MUC3A: variants seen among roughly 807,000 people sequenced by gnomAD.
MUC3A encodes mucin-3A.
Under a neutral mutation model 109.0 loss-of-function variants are expected in MUC3A, and 109 were observed. That is an observed-to-expected ratio of 1.00 (90% confidence interval 0.86 to 1.17). MUC3A has a LOEUF of 1.17. Ranked by LOEUF, MUC3A falls within the 50% of genes most tolerant of loss-of-function variation. MUC3A has a pLI of 0.00. For missense variants in MUC3A, 3,537 were observed against 2,469.4 expected (o/e 1.43, Z -9.16); for synonymous variants, 1,398 against 981.4 (o/e 1.42, Z -7.93).
Position 100,965,162 on chromosome 7 carries a change from T to A in MUC3A, c.9383-120T>A, listed in dbSNP as rs77005990. Reference sequence around the variant, plus strand: ...GCTCTCTCCGTCTGGGAGAGGGCTCTCCCAGACGGAGAGAGCCCTCACTGC... The same window carrying A: ...GCTCTCTCCGTCTGGGAGAGGGCTCACCCAGACGGAGAGAGCCCTCACTGC... On this transcript the variant is annotated intron_variant, in intron 6 of 11. Transcript: ENST00000379458. 6.4e-6 allele frequency: 9 copies of A among 1,404,024 alleles called. No homozygotes were observed. The African/African-American group carries it at 1.3e-4, about 20-fold the overall frequency. The allele number at this position is 1,404,024 out of a possible 1,614,324, so 87.0% of individuals were successfully genotyped here.
chr7:100,952,907 C>A lies in MUC3A; in HGVS notation c.1128C>A (p.Thr376=). 6.3e-7 allele frequency: 1 copy of A among 1,583,600 alleles called. No homozygotes were observed. Among genetic ancestry groups the A allele is most frequent in the Non-Finnish European group, 8.5e-7 (1 of 1,172,358 alleles). ...SLPPTSSSLP[T]TETATTPMTN... The stretch of plus-strand genomic sequence containing the variant: ...CACCCACCTCTTCCTCTCTCCCAAC[C>A]ACAGAAACAGCCACGACTCCTATGA... The change falls in exon 2 of 12, where the codon ACC becomes ACA. Residue 376 remains threonine (T), a synonymous_variant. Coordinates refer to ENST00000379458, the MANE Select transcript of MUC3A (RefSeq NM_005960.2).
At position 100,959,513 on chromosome 7, in the gene MUC3A, A is replaced by G; in HGVS notation, c.7734A>G (p.Thr2578=). 1 of 1,589,282 alleles carries G rather than the reference A, an allele frequency of 6.3e-7. No homozygotes were observed. Among genetic ancestry groups the G allele is most frequent in the South Asian group, 1.1e-5 (1 of 88,842 alleles). ...TSIVVIPETP[T]QTPPVLTSAT... is the part of the protein sequence containing the mutation. ...TTGTTGTTATACCTGAAACCCCAAC[A>G]CAGACCCCTCCTGTACTGACGTCAG... The change falls in exon 2 of 12, where the codon ACA becomes ACG. Residue 2578 remains threonine, a synonymous_variant. Coordinates refer to ENST00000379458, the MANE Select transcript of MUC3A (RefSeq NM_005960.2).
chr7:100,957,614 CACCAAT>C lies in MUC3A; in HGVS notation c.5841_5846del (p.Asn1947_Thr1948del). 1 of 1,319,662 alleles carries C rather than the reference CACCAAT, an allele frequency of 7.6e-7. No individual in the cohort carries two copies. Among genetic ancestry groups the C allele is most frequent in the Non-Finnish European group, 9.6e-7 (1 of 1,042,314 alleles). The allele number at this position is 1,319,662 out of a possible 1,614,324, so 81.7% of individuals were successfully genotyped here. A position where few individuals can be genotyped will look rare whatever the true frequency, so the allele number is the denominator to read the frequency against. On this transcript the variant is annotated inframe_deletion, in exon 2 of 12. Coordinates refer to ENST00000379458, the MANE Select transcript of MUC3A (RefSeq NM_005960.2). ...GTACTCCCAGATTCACTTCTTCAAT[CACCAAT>C]ACCAAGACCACCTCACACAGCTCTC...
chr7:100,966,232 T>TTCTAGGGTGGATTCCCAGCCCCTTG, intron 8 of MUC3A, 154 bp from the exon 9 acceptor site: 1 of 404,028 alleles, frequency 2.5e-6, no homozygotes, highest in East Asian at 4.3e-5. Context: ...CGGCCCCTCG[T>TTCTAGGGTGGATTCCCAGCCCCTTG]TCTAGGGTGG....
At chr7:100,964,982 A>G (rs2116221850) in intron 6 of MUC3A, 139 bp downstream of exon 6, 1 of 1,349,254 alleles carries the variant, frequency 7.4e-7, no homozygotes, top group East Asian at 2.5e-5. Flanking sequence ...AAGTCCACAC[A>G]CAACGGTGTC....
At chr7:100,963,554 G>C (rs1792414669) in intron 4 of MUC3A, 134 bp from the exon 5 acceptor site, 2 of 1,376,902 alleles carry the variant, frequency 1.5e-6, no homozygotes, top group Non-Finnish European at 2.0e-6. Context: ...CAAAGTGTTG[G>C]GATTACAGGC....
At chr7:100,961,087 C>T (rs1247116511) in intron 3 of MUC3A, 150 bp downstream of exon 3, 1 of 1,514,562 alleles carries the variant, frequency 6.6e-7, no homozygotes, top group Non-Finnish European at 8.8e-7. Flanking sequence ...CTCCGCTGCC[C>T]TGTGTCATGC....
In MUC3A at chr7:100,964,823, A is replaced by T; in HGVS notation, c.9362A>T (p.Asn3121Ile). 6.3e-7 allele frequency: 1 copy of T among 1,597,996 alleles called. No homozygotes were observed. Among genetic ancestry groups the T allele is most frequent in the Non-Finnish European group, 8.5e-7 (1 of 1,179,406 alleles). Residue 3121 changes from asparagine to isoleucine, a missense_variant, in exon 6 of 12, where the codon AAC becomes ATC. Transcript: ENST00000379458. ...CTGCAGAACGCCAGCCAGGATGTGA[A>T]CAGCTGCCAGGACTCCCAGAGTGAG... The part of the protein sequence containing the change: ...EGLQNASQDV[N>I]SCQDSQTLCF...
intron 11 of MUC3A, 70 bp from the exon 12 acceptor site, chr7:100,967,051 T>G (rs1258235485): frequency 1.9e-6 from 3 of 1,598,370 alleles, no homozygotes; most frequent in African/African-American, 1.3e-5. Flanking sequence ...TGGGCTCGGA[T>G]CAGCAGTGAC....
chr7:100,959,430 G>A lies in MUC3A; in HGVS notation c.7651G>A (p.Val2551Met). Residue 2551 changes from valine to methionine, a missense_variant, in exon 2 of 12, where the codon GTG becomes ATG. Physicochemically the swap from Val to Met is conservative, Grantham distance 21. Coordinates refer to ENST00000379458, the MANE Select transcript of MUC3A (RefSeq NM_005960.2). ...CACCACCTCTCCCACCATGTCCACT[G>A]TGAGAATGACCCTCAGAATTACTGA... ...VGTTSPTMST[V>M]RMTLRITENT... 1.3e-6 allele frequency: 2 copies of A among 1,542,210 alleles called. No individual in the cohort carries two copies. The highest frequency in any genetic ancestry group is 1.7e-6 in the Non-Finnish European group (2 of 1,156,152).
Position 100,956,436 on chromosome 7 carries a change from T to G in MUC3A, c.4657T>G (p.Leu1553Val). Residue 1553 changes from leucine (L) to valine (V), a missense_variant, in exon 2 of 12, where the codon TTG becomes GTG. By Grantham distance (32) the Leu-to-Val change is conservative. Coordinates refer to ENST00000379458, the MANE Select transcript of MUC3A (RefSeq NM_005960.2). ...TGCCATCACCTCAGTTCCCACTACC[T>G]TGGGTACCATGGTGACTTCTACATC... ...TTAITSVPTT[L>V]GTMVTSTSMI... 1.6e-6 allele frequency: 1 copy of G among 639,254 alleles called. No homozygotes were observed. Among genetic ancestry groups the G allele is most frequent in the South Asian group, 2.0e-5 (1 of 50,452 alleles). 39.6% of individuals were successfully genotyped at this position (639,254 alleles called of 1,614,324 possible).
intron 8 of MUC3A, 111 bp from the exon 9 acceptor site, chr7:100,966,275 C>T (rs1262887838): frequency 5.3e-6 from 5 of 945,554 alleles, no homozygotes; most frequent in African/African-American, 4.5e-5. Flanking sequence ...TGGAACCCCC[C>T]GCTGCCCTAG....
At chr7:100,965,640 A>T (rs975587010) in intron 7 of MUC3A, 64 bp from the exon 8 acceptor site, 40 of 1,549,070 alleles carry the variant, frequency 2.6e-5, no homozygotes, top group Non-Finnish European at 3.3e-5. Flanking sequence ...AGGCACCGTT[A>T]TCAGGCCCCT....
At chr7:100,965,044 C>A (rs587651862) in intron 6 of MUC3A, 3 of 1,089,262 alleles carry the variant, frequency 2.8e-6, no homozygotes, top group South Asian at 1.6e-5. Flanking sequence ...GGGAAAGAGA[C>A]CCCCTGATTG....
intron 8 of MUC3A, 183 bp downstream of exon 8, chr7:100,966,049 T>TCGCCCTACAGTGTAGCCCCGCCTCC: frequency 4.7e-6 from 4 of 855,048 alleles, no homozygotes; most frequent in Non-Finnish European, 6.7e-6. Context: ...GCTCTGCTCC[T>TCGCCCTACAGTGTAGCCCCGCCTCC]TTGATGGGGT....
At position 100,952,891 on chromosome 7, in the gene MUC3A, C is replaced by T; in HGVS notation, c.1112C>T (p.Ser371Phe). 2 of 1,569,170 alleles carry T rather than the reference C, an allele frequency of 1.3e-6. No individual in the cohort carries two copies. Among genetic ancestry groups the T allele is most frequent in the Non-Finnish European group, 1.7e-6 (2 of 1,164,950 alleles). Reference sequence around the variant, plus strand: ...ACAGAGACTTCTCTCCCACCCACCTCTTCCTCTCTCCCAACCACAGAAACA... The same window carrying T: ...ACAGAGACTTCTCTCCCACCCACCTTTTCCTCTCTCCCAACCACAGAAACA... ...LSTETSLPPTSSSLPTTETAT... is the reference protein window; with the variant it reads ...LSTETSLPPTFSSLPTTETAT... The change falls in exon 2 of 12, where the codon TCT becomes TTT. Residue 371 changes from serine (S) to phenylalanine (F), a missense_variant. By Grantham distance (155) the Ser-to-Phe change is radical. Transcript: ENST00000379458.
At position 100,957,100 on chromosome 7, in the gene MUC3A, C is replaced by A; in HGVS notation, c.5321C>A (p.Thr1774Asn). 1 of 471,088 alleles carries A rather than the reference C, an allele frequency of 2.1e-6. No homozygotes were observed. Among genetic ancestry groups the A allele is most frequent in the Non-Finnish European group, 3.7e-6 (1 of 267,928 alleles). The allele number at this position is 471,088 out of a possible 1,614,324, so 29.2% of individuals were successfully genotyped here. A position where few individuals can be genotyped will look rare whatever the true frequency, so the allele number is the denominator to read the frequency against. Residue 1774 changes from threonine to asparagine, a missense_variant, in exon 2 of 12, where the codon ACT (threonine) becomes AAT (asparagine). Physicochemically the swap from Thr to Asn is moderately conservative, Grantham distance 65 (BLOSUM62 0). Coordinates refer to ENST00000379458, the MANE Select transcript of MUC3A (RefSeq NM_005960.2). ...TCAATCACCTCCACATATACGGTGA[C>A]TTCGATGACAACTACCACCCCTCTA... Reference protein sequence around the residue: ...TSSITSTYTVTSMTTTTPLGP... With the variant: ...TSSITSTYTVNSMTTTTPLGP...
At position 100,960,084 on chromosome 7, in the gene MUC3A, T is replaced by G. The variant is rs780816534; in HGVS notation, c.8305T>G (p.Cys2769Gly). ...TATTTCCCTTCCCTCCACCACACCC[T>G]GTCCAGGAACTATAACAATTACCAT... ...SYISLPSTTP[C>G]PGTITITIVP... The change falls in exon 2 of 12, where the codon TGT becomes GGT. Residue 2769 changes from cysteine (C) to glycine (G), a missense_variant. Physicochemically the swap from Cys to Gly is radical, Grantham distance 159. Coordinates refer to ENST00000379458, the MANE Select transcript of MUC3A (RefSeq NM_005960.2). The G allele has an allele frequency of 5.3e-6, 8 of 1,517,262 alleles. No homozygotes were observed. Among genetic ancestry groups the G allele is most frequent in the Admixed American group, 2.1e-5 (1 of 47,138 alleles). 94.0% of individuals were successfully genotyped at this position (1,517,262 alleles called of 1,614,324 possible).
Position 100,959,509 on chromosome 7 carries a change from C to CAAA in MUC3A, c.7732_7733insAAA (p.Pro2577_Thr2578insLys), listed in dbSNP as rs1401666825. 2.8e-6 allele frequency: 4 copies of CAAA among 1,436,118 alleles called. No homozygotes were observed. In the African/African-American group the frequency reaches 9.1e-5, roughly 33 times the overall value. 89.0% of individuals were successfully genotyped at this position (1,436,118 alleles called of 1,614,324 possible). ...AGTATTGTTGTTATACCTGAAACCC[C>CAAA]AACACAGACCCCTCCTGTACTGACG... is the stretch of plus-strand genomic sequence containing the variant. On this transcript the variant is annotated inframe_insertion, in exon 2 of 12. Coordinates refer to ENST00000379458, the MANE Select transcript of MUC3A (RefSeq NM_005960.2).
Sources: allele counts gnomAD v4.1 joint callset, GRCh38; gene constraint gnomAD v4.1.1; transcripts MANE v1.5; gene names NCBI Gene and HGNC (gene_info 2026-07-23, HGNC 2026-07-21).